The following TUBGCP3 variants were observed in gnomAD, a reference collection of about 807,000 sequenced individuals.
The protein encoded by TUBGCP3 is tubulin gamma complex component 3.
In TUBGCP3, 50 loss-of-function variants were observed where a neutral mutation model predicts 123.1. The ratio of observed to expected loss-of-function variants is 0.41; its 90% CI spans 0.32 to 0.51. TUBGCP3 has a LOEUF of 0.51. Ranked by LOEUF, TUBGCP3 falls within the 20% of genes least tolerant of loss-of-function variation. The pLI is 0.36. For missense variants in TUBGCP3, 882 were observed against 1,127.0 expected (o/e 0.78, Z 3.11); for synonymous variants, 405 against 413.9 (o/e 0.98, Z 0.26).
At position 112,588,082 on chromosome 13, in the gene TUBGCP3, GC is replaced by G; in HGVS notation, c.-103del. The G allele has an allele frequency of 9.5e-7, 1 of 1,050,354 alleles. No individual in the cohort carries two copies. The highest frequency in any genetic ancestry group is 1.3e-6 in the Non-Finnish European group (1 of 796,056). The allele number at this position is 1,050,354 out of a possible 1,614,324, so 65.1% of individuals were successfully genotyped here. A position where few individuals can be genotyped will look rare whatever the true frequency, so the allele number is the denominator to read the frequency against. Reference sequence around the variant, plus strand: ...CCTTCCTGCGCCCCGCAAGCTCCCTGCTCCTGACAGGCTAAGGCGCGGGCGC... The same window carrying G: ...CCTTCCTGCGCCCCGCAAGCTCCCTGTCCTGACAGGCTAAGGCGCGGGCGC... On this transcript the variant is annotated 5_prime_UTR_variant, in exon 1 of 22. Transcript: ENST00000261965.
intron 20 of TUBGCP3, among the ~76,000 whole-genome samples, chr13:112,495,018 C>G (rs1880437058): frequency 6.6e-6 from 1 of 152,210 alleles, no homozygotes; most frequent in African/African-American, 2.4e-5. Flanking sequence ...GTTCTCTGGG[C>G]TGCCTCTTCA....
chr13:112,549,323 G>C (rs868693656), intron 8 of TUBGCP3, among the ~76,000 whole-genome samples: 3 of 151,644 alleles, frequency 2.0e-5, no homozygotes, highest in African/African-American at 7.3e-5. Context: ...CTTGGATACC[G>C]GGGCCTGTTG....
At chr13:112,538,068 A>T (rs1878214574) in intron 11 of TUBGCP3, among the ~76,000 whole-genome samples, 1 of 152,146 alleles carries the variant, frequency 6.6e-6, no homozygotes, top group Non-Finnish European at 1.5e-5. Context: ...CTTATTGAGG[A>T]TCCCTTCTGT....
intron 5 of TUBGCP3, 124 bp from the exon 6 acceptor site, chr13:112,556,348 T>G: frequency 1.1e-6 from 1 of 935,320 alleles, no homozygotes; most frequent in Non-Finnish European, 1.6e-6. Flanking sequence ...GTATAGCTGA[T>G]ACCATGACTT....
chr13:112,487,609 C>T (rs1879766007), intron 21 of TUBGCP3, among the ~76,000 whole-genome samples: 1 of 152,104 alleles, frequency 6.6e-6, no homozygotes, highest in Non-Finnish European at 1.5e-5. Flanking sequence ...ATTAGGTGTC[C>T]ATTTTTAAGA....
At chr13:112,548,006 A>G (rs922034933) in intron 9 of TUBGCP3, 102 bp downstream of exon 9, 9 of 958,644 alleles carry the variant, frequency 9.4e-6, no homozygotes, top group Non-Finnish European at 1.2e-5. Flanking sequence ...ATATTGCTGT[A>G]TTTTAAAAGT....
chr13:112,547,325 G>A (rs902526564), intron 10 of TUBGCP3: 23 of 409,344 alleles, frequency 5.6e-5, no homozygotes, highest in South Asian at 1.4e-4. Flanking sequence ...ATGCCAGCCC[G>A]AGCTTCTACC....
intron 1 of TUBGCP3, among the ~76,000 whole-genome samples, chr13:112,572,528 G>A (rs1022654619): frequency 6.6e-6 from 1 of 151,810 alleles, no homozygotes; most frequent in African/African-American, 2.4e-5. Flanking sequence ...TTGGTTTTCT[G>A]TTGATCACTA....
At chr13:112,557,917 A>C (rs1488371637) in intron 5 of TUBGCP3, among the ~76,000 whole-genome samples, 1 of 152,230 alleles carries the variant, frequency 6.6e-6, no homozygotes, top group African/African-American at 2.4e-5. Flanking sequence ...AGGGCTTTGC[A>C]CAGGGTACTT....
intron 1 of TUBGCP3, among the ~76,000 whole-genome samples, chr13:112,577,753 CA>C (rs1048189973): frequency 6.6e-6 from 1 of 152,082 alleles, no homozygotes; most frequent in Non-Finnish European, 1.5e-5. Context: ...TAAAATAAAA[CA>C]TTTTTTTAAA....
chr13:112,588,515 C>T (rs1260271302), upstream of TUBGCP3, among the ~76,000 whole-genome samples: 2 of 152,110 alleles, frequency 1.3e-5, no homozygotes, highest in Non-Finnish European at 2.9e-5. Context: ...CAGGGTGTTA[C>T]GATTGTTAAC....
intron 5 of TUBGCP3, among the ~76,000 whole-genome samples, chr13:112,557,460 G>A (rs747395573): frequency 1.7e-4 from 26 of 152,132 alleles, no homozygotes; most frequent in Admixed American, 9.2e-4. Context: ...TAAATCCTTG[G>A]TCACTGTTTT....
the TUBGCP3 span, among the ~76,000 whole-genome samples, chr13:112,602,485 C>T: frequency 2.6e-5 from 4 of 152,178 alleles, no homozygotes; most frequent in Non-Finnish European, 2.9e-5. Flanking sequence ...ACTCTCTTTT[C>T]CCTCGGCACT....
intron 17 of TUBGCP3, among the ~76,000 whole-genome samples, chr13:112,516,169 CA>C (rs1876107040): frequency 6.6e-6 from 1 of 152,110 alleles, no homozygotes; most frequent in Non-Finnish European, 1.5e-5. Flanking sequence ...TTCTCAAAAA[CA>C]ATTTAGTTAA....
intron 11 of TUBGCP3, among the ~76,000 whole-genome samples, chr13:112,528,728 G>A (rs1231877995): frequency 1.3e-5 from 2 of 152,114 alleles, no homozygotes; most frequent in East Asian, 3.8e-4. Context: ...GTAGATAAAT[G>A]TCAGTCTTCC....
At chr13:112,557,963 G>A (rs900259430) in intron 5 of TUBGCP3, among the ~76,000 whole-genome samples, 3 of 152,248 alleles carry the variant, frequency 2.0e-5, no homozygotes, top group Non-Finnish European at 4.4e-5. Context: ...AGTGACAGGT[G>A]AGAGCTGGCC....
chr13:112,525,859 A>G (rs1056398484), intron 13 of TUBGCP3, among the ~76,000 whole-genome samples: 8 of 152,320 alleles, frequency 5.3e-5, no homozygotes, highest in Middle Eastern at 3.4e-3. Flanking sequence ...TCATTTTAAA[A>G]CAGCTATACC....
At chr13:112,540,250 T>C (rs58288043) in intron 11 of TUBGCP3, among the ~76,000 whole-genome samples, 66 of 115,852 alleles carry the variant, frequency 5.7e-4, no homozygotes, top group African/African-American at 1.9e-3. Context: ...TGGGAAAGGA[T>C]ACCTGGGAGT....
chr13:112,496,022 T>C (rs1880505217), intron 20 of TUBGCP3, among the ~76,000 whole-genome samples: 1 of 152,216 alleles, frequency 6.6e-6, no homozygotes, highest in Admixed American at 6.5e-5. Context: ...TTTTCAAAAC[T>C]ATACTGTTCC....
Sources: gnomAD v4.1 joint callset for allele counts (sites outside exome capture counted in the v4.1 genomes callset) on GRCh38, gnomAD v4.1.1 for gene constraint, MANE v1.5 for transcripts, NCBI Gene and HGNC (gene_info 2026-07-23, HGNC 2026-07-21) for gene names.